The following SPOCK3 variants were observed in gnomAD, a reference collection of about 807,000 sequenced individuals.
SPOCK3 encodes SPARC (osteonectin), cwcv and kazal like domains proteoglycan 3, also known as testican-3.
A neutral mutation model predicts 56.6 loss-of-function variants in SPOCK3; 30 were observed. The ratio of observed to expected loss-of-function variants is 0.53; its 90% confidence interval spans 0.40 to 0.72. SPOCK3 has a LOEUF of 0.72. SPOCK3 is among the 30% of genes least tolerant of loss of function. The pLI is 0.00. For missense variants in SPOCK3, 527 were observed against 530.0 expected (o/e 0.99, Z 0.06); for synonymous variants, 196 against 183.3 (o/e 1.07, Z -0.56).
At chr4:167,118,579 C>T (rs1761617524) in intron 2 of SPOCK3, among the ~76,000 whole-genome samples, 1 of 152,042 alleles carries the variant, frequency 6.6e-6, no homozygotes, top group African/African-American at 2.4e-5. Context: ...GTAGCATTTT[C>T]AACTTTAAAA....
At chr4:166,810,468 A>T (rs1009521183) in intron 6 of SPOCK3, among the ~76,000 whole-genome samples, 1 of 151,978 alleles carries the variant, frequency 6.6e-6, no homozygotes, top group African/African-American at 2.4e-5. Flanking sequence ...GTTTTTATAG[A>T]TATTTATTTT....
At chr4:167,165,224 A>G (rs1765654634) in intron 2 of SPOCK3, among the ~76,000 whole-genome samples, 1 of 152,178 alleles carries the variant, frequency 6.6e-6, no homozygotes, top group East Asian at 1.9e-4. Flanking sequence ...ATCTAATTAA[A>G]CTAAAGAGCT....
chr4:167,018,466 T>C (rs1241939781), intron 3 of SPOCK3, among the ~76,000 whole-genome samples: 1 of 152,068 alleles, frequency 6.6e-6, no homozygotes, highest in Admixed American at 6.6e-5. Flanking sequence ...CTAAATATGG[T>C]TTGTGATTCT....
intron 6 of SPOCK3, among the ~76,000 whole-genome samples, chr4:166,805,741 AG>A (rs1172287058): frequency 6.6e-6 from 1 of 152,028 alleles, no homozygotes; most frequent in Non-Finnish European, 1.5e-5. Flanking sequence ...ATAAGCTCAA[AG>A]GTTGGTACAC....
At chr4:166,940,395 C>T (rs1235854607) in intron 4 of SPOCK3, among the ~76,000 whole-genome samples, 1 of 152,022 alleles carries the variant, frequency 6.6e-6, no homozygotes, top group Non-Finnish European at 1.5e-5. Context: ...GATGTGGATG[C>T]TGCATCTGAG....
At chr4:166,879,941 G>C (rs933365227) in intron 6 of SPOCK3, among the ~76,000 whole-genome samples, 1 of 152,108 alleles carries the variant, frequency 6.6e-6, no homozygotes, top group Non-Finnish European at 1.5e-5. Flanking sequence ...AGACATGCCT[G>C]CTTCCCCTTT....
intron 7 of SPOCK3, among the ~76,000 whole-genome samples, chr4:166,777,428 T>C (rs934705347): frequency 2.0e-5 from 3 of 152,150 alleles, no homozygotes; most frequent in African/African-American, 7.2e-5. Flanking sequence ...GATATTGGTT[T>C]GCTATTACTT....
At chr4:167,108,561 A>T (rs991204718) in intron 2 of SPOCK3, among the ~76,000 whole-genome samples, 1 of 151,866 alleles carries the variant, frequency 6.6e-6, no homozygotes, top group Non-Finnish European at 1.5e-5. Context: ...GCACAGAGAG[A>T]TGAAACTTCA....
intron 2 of SPOCK3, among the ~76,000 whole-genome samples, chr4:167,178,196 G>A (rs1202182042): frequency 6.6e-6 from 1 of 152,130 alleles, no homozygotes; most frequent in East Asian, 1.9e-4. Context: ...TGCTGTGAAT[G>A]CTTTCACAGG....
intron 1 of SPOCK3, 137 bp downstream of exon 1, chr4:167,234,313 C>A (rs1737513502): frequency 3.8e-6 from 3 of 796,976 alleles, no homozygotes; most frequent in Non-Finnish European, 6.0e-6. Flanking sequence ...GCAAGCGTGT[C>A]CCCTCCCCGC....
At chr4:166,865,733 G>T (rs1253739134) in intron 6 of SPOCK3, among the ~76,000 whole-genome samples, 1 of 152,022 alleles carries the variant, frequency 6.6e-6, no homozygotes, top group Non-Finnish European at 1.5e-5. Context: ...GGGACATAAA[G>T]GACCTCTTCA....
intron 3 of SPOCK3, among the ~76,000 whole-genome samples, chr4:167,050,048 A>G (rs1051065419): frequency 6.6e-6 from 1 of 152,180 alleles, no homozygotes; most frequent in Non-Finnish European, 1.5e-5. Flanking sequence ...AGTGTCTTCT[A>G]TAAAATACTT....
chr4:166,832,086 T>C (rs1364517775), intron 6 of SPOCK3, among the ~76,000 whole-genome samples: 1 of 152,116 alleles, frequency 6.6e-6, no homozygotes, highest in Non-Finnish European at 1.5e-5. Context: ...CTCTTTAGTT[T>C]AATTAGGTAC....
intron 7 of SPOCK3, among the ~76,000 whole-genome samples, chr4:166,791,091 T>G (rs1200684403): frequency 6.6e-6 from 1 of 152,162 alleles, no homozygotes; most frequent in South Asian, 2.1e-4. Flanking sequence ...AATTTCTTCA[T>G]GAAATTCATA....
At chr4:166,985,474 C>T (rs1207283241) in intron 4 of SPOCK3, among the ~76,000 whole-genome samples, 1 of 152,084 alleles carries the variant, frequency 6.6e-6, no homozygotes, top group Non-Finnish European at 1.5e-5. Context: ...AAACTGTTCA[C>T]AGAAAACATG....
intron 6 of SPOCK3, among the ~76,000 whole-genome samples, chr4:166,826,883 A>C (rs1745537939): frequency 6.6e-6 from 1 of 152,110 alleles, no homozygotes; most frequent in Non-Finnish European, 1.5e-5. Flanking sequence ...TGGACAGAGA[A>C]TCAGATTGTC....
chr4:166,904,694 TGTTA>T, intron 5 of SPOCK3, among the ~76,000 whole-genome samples: 1 of 151,736 alleles, frequency 6.6e-6, no homozygotes, highest in South Asian at 2.1e-4. Context: ...GAATTGGGGG[TGTTA>T]GTGTCTGAGA....
At chr4:167,121,279 G>C (rs537600812) in intron 2 of SPOCK3, among the ~76,000 whole-genome samples, 2 of 151,910 alleles carry the variant, frequency 1.3e-5, no homozygotes, top group African/African-American at 4.8e-5. Flanking sequence ...TCTTGGACAT[G>C]GCTCATATTT....
chr4:166,750,028 C>T (rs72695600), intron 8 of SPOCK3, among the ~76,000 whole-genome samples: 6,546 of 152,146 alleles, frequency 0.043, 200 homozygotes, highest in Non-Finnish European at 0.055. Flanking sequence ...TACATTTGAT[C>T]GGAATTTTGA....
Sources: gnomAD v4.1 joint callset for allele counts (sites outside exome capture counted in the v4.1 genomes callset) on GRCh38, gnomAD v4.1.1 for gene constraint, MANE v1.5 for transcripts, NCBI Gene and HGNC (gene_info 2026-07-23, HGNC 2026-07-21) for gene names.